SLC6A13: variants seen among roughly 807,000 people sequenced by gnomAD.
SLC6A13 encodes solute carrier family 6 member 13.
SLC6A13 carries 69 observed loss-of-function variants against 72.9 expected under a neutral mutation model. The observed-to-expected ratio is 0.95, with a 90% CI of 0.78 to 1.16. The LOEUF (loss-of-function observed/expected upper bound fraction) is 1.16, where lower values mean the gene tolerates loss of function less well. SLC6A13 is among the 50% of genes most tolerant of loss of function. The pLI, the probability that SLC6A13 is intolerant of heterozygous loss-of-function variation, is 0.00. For synonymous variants in SLC6A13, 303 were observed against 303.0 expected (o/e 1.00, Z 0.00); for missense variants, 735 against 760.5 (o/e 0.97, Z 0.39).
intron 2 of SLC6A13, among the ~76,000 whole-genome samples, chr12:252,669 GA>G (rs1250878756): frequency 6.6e-6 from 1 of 152,210 alleles, no homozygotes; most frequent in African/African-American, 2.4e-5. Flanking sequence ...TGCTGAGCAG[GA>G]AGGAAAACAG....
chr12:255,682 C>T (rs1565509501), intron 2 of SLC6A13, among the ~76,000 whole-genome samples: 3 of 152,162 alleles, frequency 2.0e-5, no homozygotes, highest in African/African-American at 4.8e-5. Context: ...GGTGACAGAG[C>T]GAGACTCCAT....
At chr12:223,844 T>C (rs1941322579) in intron 11 of SLC6A13, 148 bp downstream of exon 11, 2 of 867,318 alleles carry the variant, frequency 2.3e-6, no homozygotes, top group Admixed American at 4.6e-5. Context: ...ACTTTGTCGT[T>C]CCTGGGATGG....
chr12:237,399 C>A, intron 5 of SLC6A13, 109 bp from the exon 6 acceptor site: 1 of 1,202,032 alleles, frequency 8.3e-7, no homozygotes. Flanking sequence ...TGTCCAAAGG[C>A]TTCTCTGCTC....
rs150110797 is a variant in SLC6A13, at chr12:258,199, G to A, written c.202+1652C>T. ...CCACTGGCCAGAAAGAAATTCCTAGGAGGAAGGGACACGACAGCCCATTTT... is the reference window on the plus strand; with the variant it reads ...CCACTGGCCAGAAAGAAATTCCTAGAAGGAAGGGACACGACAGCCCATTTT... On this transcript the variant is annotated intron_variant, in intron 2 of 14. Coordinates refer to ENST00000343164, the MANE Select transcript of SLC6A13 (RefSeq NM_016615.5). Among the ~76,000 whole-genome samples the A allele has an allele frequency of 2.5e-3, 382 of 152,292 alleles. 2 individuals carry two copies. The highest frequency in any genetic ancestry group is 8.8e-3 in the African/African-American group (365 of 41,556).
intron 6 of SLC6A13, among the ~76,000 whole-genome samples, chr12:236,600 C>CA (rs2137283608): frequency 6.6e-6 from 1 of 152,318 alleles, no homozygotes; most frequent in South Asian, 2.1e-4. Context: ...GGCATTCTCC[C>CA]AATAAGTGTG....
intron 4 of SLC6A13, among the ~76,000 whole-genome samples, chr12:239,633 G>A (rs181055919): frequency 2.6e-5 from 4 of 152,288 alleles, no homozygotes; most frequent in African/African-American, 7.2e-5. Context: ...CACTTGTTTT[G>A]TTTATGTCTA....
At chr12:226,247 C>A in intron 9 of SLC6A13, 143 bp downstream of exon 9, 1 of 969,432 alleles carries the variant, frequency 1.0e-6, no homozygotes, top group South Asian at 1.5e-5. Flanking sequence ...CAATTCTCCG[C>A]CAAGTCTTCC....
chr12:242,831 C>T (rs747323134), intron 3 of SLC6A13, 77 bp from the exon 4 acceptor site: 63 of 1,393,420 alleles, frequency 4.5e-5, no homozygotes, highest in South Asian at 1.5e-4. Context: ...CTATGCGGGA[C>T]GCTGAGGTGA....
chr12:221,472 G>T lies in SLC6A13; in HGVS notation c.1590C>A (p.Gly530=). The T allele has an allele frequency of 6.2e-7, 1 of 1,613,742 alleles. No individual in the cohort carries two copies. Among genetic ancestry groups the T allele is most frequent in the Non-Finnish European group, 8.5e-7 (1 of 1,179,784 alleles). Residue 530 remains glycine (G), a synonymous_variant, in exon 14 of 15, where the codon GGC becomes GGA. Transcript: ENST00000343164. The part of the protein sequence containing the change: ...YNKKYTYPWW[G]DALGWLLALS... Reference sequence around the variant, plus strand: ...GAGCCAGGAGCCAGCCCAGGGCATCGCCCCACCACGGGTACGTGTACTTCT... The same window carrying T: ...GAGCCAGGAGCCAGCCCAGGGCATCTCCCCACCACGGGTACGTGTACTTCT...
chr12:224,011 C>T lies in SLC6A13; in HGVS notation c.1292G>A (p.Gly431Glu). The T allele has an allele frequency of 6.2e-7, 1 of 1,613,050 alleles. No individual in the cohort carries two copies. The highest frequency in any genetic ancestry group is 2.2e-5 in the East Asian group (1 of 44,748). Residue 431 changes from glycine to glutamate, a missense_variant, in exon 11 of 15, where the codon GGG (glycine) becomes GAG (glutamate). Physicochemically the swap from Gly to Glu is moderately conservative, Grantham distance 98 (BLOSUM62 -2). Transcript: ENST00000343164. Reference sequence around the variant, plus strand: ...CCTCACCTCTGTGAGCATGATCAGCCCCACAAGGAAGGAGACGACAGATAC... The same window carrying T: ...CCTCACCTCTGTGAGCATGATCAGCTCCACAAGGAAGGAGACGACAGATAC... ...LGVSVVSFLV[G>E]LIMLTEGGMY...
intron 6 of SLC6A13, among the ~76,000 whole-genome samples, chr12:236,487 T>C (rs1420130087): frequency 2.6e-5 from 4 of 152,254 alleles, no homozygotes; most frequent in African/African-American, 9.6e-5. Flanking sequence ...CCCCTATCCC[T>C]TGAGCCACAG....
rs183918803 is a variant in SLC6A13, at chr12:258,285, A to T, written c.202+1566T>A. 1.2e-4 allele frequency among the ~76,000 whole-genome samples: 19 copies of T among 152,170 alleles called. No homozygotes were observed. The East Asian group carries it at 3.1e-3, about 25-fold the overall frequency. On this transcript the variant is annotated intron_variant, in intron 2 of 14. Transcript: ENST00000343164. ...CAGGGACAATCCCCAGTTGCCACAG[A>T]CCTGGGAACCAGACTCCATGGGCCC...
intron 3 of SLC6A13, 117 bp downstream of exon 3, chr12:243,562 A>G: frequency 9.7e-7 from 1 of 1,026,340 alleles, no homozygotes; most frequent in Non-Finnish European, 1.4e-6. Flanking sequence ...AGGGTTTAGC[A>G]TAGAGACTCG....
At chr12:223,315 A>G (rs1352983810) in intron 11 of SLC6A13, 81 bp from the exon 12 acceptor site, 1 of 811,370 alleles carries the variant, frequency 1.2e-6, no homozygotes, top group Non-Finnish European at 2.0e-6. Flanking sequence ...TTAGCTTCAC[A>G]CGGTGGAGGC....
chr12:228,386 C>T (rs1036564845), intron 7 of SLC6A13, among the ~76,000 whole-genome samples: 1 of 152,140 alleles, frequency 6.6e-6, no homozygotes, highest in African/African-American at 2.4e-5. Flanking sequence ...TGCAGATCTG[C>T]AGGACCCTCC....
intron 1 of SLC6A13, 175 bp downstream of exon 1, chr12:262,614 T>G: frequency 1.1e-6 from 1 of 870,454 alleles, no homozygotes; most frequent in South Asian, 5.3e-5. Flanking sequence ...CCACCCAAGT[T>G]TCAGAAAGTC....
chr12:240,701 C>T (rs1451821520), intron 4 of SLC6A13, among the ~76,000 whole-genome samples: 5 of 152,192 alleles, frequency 3.3e-5, no homozygotes, highest in Admixed American at 1.3e-4. Flanking sequence ...GGAGCAGGGC[C>T]GGGGCCGGTG....
chr12:226,397 G>C lies in SLC6A13; in HGVS notation c.1053C>G (p.Ala351=). The C allele has an allele frequency of 6.2e-7, 1 of 1,613,830 alleles. No homozygotes were observed. Among genetic ancestry groups the C allele is most frequent in the Non-Finnish European group, 8.5e-7 (1 of 1,179,792 alleles). Residue 351 remains alanine (A), a synonymous_variant, in exon 9 of 15, where the codon GCC becomes GCG. Transcript: ENST00000343164. ...CTCCCCAGTAACACTCACCTGACTC[G>C]GCCACCTCAGAAATGGGCACCCCCT... ...QEQGVPISEV[A]ESGPGLAFIA...
rs546966698 is a variant in SLC6A13 at position 227,478 on chromosome 12, C to A, written c.935+87G>T. ...AGGGGGGCAGATCCAGGAGCTGATG[C>A]ACCCTCCAACTCACCCTCGTCTAGC... On this transcript the variant is annotated intron_variant, in intron 8 of 14. Transcript: ENST00000343164. The A allele has an allele frequency of 6.6e-5, 105 of 1,579,784 alleles. 2 individuals are homozygous for A. The South Asian group carries it at 9.7e-4, about 15-fold the overall frequency.
Sources: allele counts gnomAD v4.1 joint callset (sites outside exome capture counted in the v4.1 genomes callset), GRCh38; gene constraint gnomAD v4.1.1; transcripts MANE v1.5; gene names NCBI Gene and HGNC (gene_info 2026-07-23, HGNC 2026-07-21).